Variants in STPG2 observed in about 807,000 individuals in gnomAD.
STPG2 encodes the protein sperm-tail PG-rich repeat-containing protein 2.
A neutral mutation model predicts 54.2 loss-of-function variants in STPG2; 56 were observed. The ratio of observed to expected loss-of-function variants is 1.03; its 90% CI spans 0.83 to 1.29. STPG2 has a LOEUF of 1.29. STPG2 is among the 50% of genes most tolerant of loss of function. The pLI is 0.00. For missense variants in STPG2, 596 were observed against 544.9 expected (o/e 1.09, Z -0.93); for synonymous variants, 200 against 181.8 (o/e 1.10, Z -0.81).
At chr4:97,906,079 T>C (rs565264224) in intron 8 of STPG2, among the ~76,000 whole-genome samples, 1 of 152,260 alleles carries the variant, frequency 6.6e-6, no homozygotes, top group Non-Finnish European at 1.5e-5. Context: ...ATCCAGCAGC[T>C]GGTTTTTTGA....
chr4:97,677,587 A>T (rs1196072607), intron 10 of STPG2, among the ~76,000 whole-genome samples: 2 of 152,350 alleles, frequency 1.3e-5, no homozygotes, highest in East Asian at 3.9e-4. Context: ...AAAGAAAATC[A>T]TTATCCAATT....
intron 8 of STPG2, among the ~76,000 whole-genome samples, chr4:97,940,761 A>T (rs1427361746): frequency 6.6e-6 from 1 of 152,176 alleles, no homozygotes. Context: ...TATCATTATT[A>T]TTCCCTACAG....
At position 97,476,108 on chromosome 4, in the gene STPG2, A is replaced by G. The variant is rs536265205; in HGVS notation, c.462+236591T>C. Among the ~76,000 whole-genome samples the G allele has an allele frequency of 2.6e-5, 4 of 152,300 alleles. No individual in the cohort carries two copies. The East Asian group carries it at 7.7e-4, about 29-fold the overall frequency. On this transcript the variant is annotated intron_variant, in intron 4 of 4. Coordinates refer to the STPG2 transcript ENST00000522676. ...TGTTAAATCAATGAATGTATGAATT[A>G]ATATATTGTATTTAATTTTTAATGT...
intron 5 of STPG2, among the ~76,000 whole-genome samples, chr4:98,102,190 T>C (rs1367511140): frequency 1.3e-5 from 2 of 152,222 alleles, no homozygotes; most frequent in Non-Finnish European, 2.9e-5. Context: ...GAGGACTTCA[T>C]TGAATACATC....
intron 5 of STPG2, chr4:98,025,753 G>A (rs973760279): frequency 2.6e-5 from 41 of 1,561,058 alleles, no homozygotes; most frequent in Non-Finnish European, 3.4e-5. Context: ...AAGGCCAAGT[G>A]GAGGTGACTG....
At chr4:97,907,618 T>C (rs1731490784) in intron 8 of STPG2, among the ~76,000 whole-genome samples, 1 of 152,064 alleles carries the variant, frequency 6.6e-6, no homozygotes, top group South Asian at 2.1e-4. Context: ...CTTCAAACTA[T>C]ACTACAAGGC....
chr4:97,623,243 CAAAAAT>C (rs1369405128), intron 10 of STPG2, among the ~76,000 whole-genome samples: 32 of 151,918 alleles, frequency 2.1e-4, no homozygotes, highest in African/African-American at 7.7e-4. Flanking sequence ...ACAATTGTGA[CAAAAAT>C]AAAAACAGAT....
chr4:98,069,040 A>G (rs1049803655), intron 5 of STPG2, among the ~76,000 whole-genome samples: 2 of 152,086 alleles, frequency 1.3e-5, no homozygotes, highest in African/African-American at 4.8e-5. Flanking sequence ...ATGCCACTGA[A>G]TTTCAGAATT....
At chr4:97,761,012 T>C (rs1725874153) in intron 9 of STPG2, among the ~76,000 whole-genome samples, 1 of 152,160 alleles carries the variant, frequency 6.6e-6, no homozygotes, top group Non-Finnish European at 1.5e-5. Context: ...TGGCTCTGAC[T>C]CTGCTTCTTT....
chr4:97,799,478 A>G (rs997544958), intron 9 of STPG2, among the ~76,000 whole-genome samples: 5 of 152,140 alleles, frequency 3.3e-5, no homozygotes, highest in African/African-American at 9.7e-5. Flanking sequence ...TTGGGTTGAA[A>G]ATTCTTTTCT....
At chr4:97,554,493 C>CT (rs925452372), downstream of STPG2, among the ~76,000 whole-genome samples, 14 of 152,132 alleles carry the variant, frequency 9.2e-5, no homozygotes, top group Non-Finnish European at 1.2e-4. Context: ...TTTGGTGAGT[C>CT]TGGTTTGCCA....
intron 8 of STPG2, among the ~76,000 whole-genome samples, chr4:97,863,467 C>G (rs1729639465): frequency 6.6e-6 from 1 of 152,164 alleles, no homozygotes; most frequent in South Asian, 2.1e-4. Flanking sequence ...AGCTTACCAA[C>G]CAAAAAAAAG....
intron 9 of STPG2, among the ~76,000 whole-genome samples, chr4:97,820,926 G>A (rs1392325597): frequency 6.6e-6 from 1 of 152,124 alleles, no homozygotes; most frequent in African/African-American, 2.4e-5. Flanking sequence ...AAGATTTGGA[G>A]GGTACATCCA....
At chr4:97,666,736 T>C (rs977429183) in intron 10 of STPG2, among the ~76,000 whole-genome samples, 15 of 152,168 alleles carry the variant, frequency 9.9e-5, no homozygotes, top group African/African-American at 3.4e-4. Flanking sequence ...AATTATTATA[T>C]CTGTTATACA....
chr4:98,022,357 C>A (rs1736242749), intron 5 of STPG2, among the ~76,000 whole-genome samples: 1 of 152,126 alleles, frequency 6.6e-6, no homozygotes. Flanking sequence ...CCACTCTCTT[C>A]TGGCTTGTAG....
chr4:98,044,668 A>G (rs1019027025), intron 5 of STPG2, among the ~76,000 whole-genome samples: 4 of 152,130 alleles, frequency 2.6e-5, no homozygotes, highest in African/African-American at 9.7e-5. Flanking sequence ...GATGCATTTT[A>G]GCTTTGAGTT....
At chr4:97,994,852 C>T (rs1735153416) in intron 5 of STPG2, among the ~76,000 whole-genome samples, 1 of 152,054 alleles carries the variant, frequency 6.6e-6, no homozygotes, top group East Asian at 1.9e-4. Context: ...GTGGATGCAG[C>T]CATAGAGCTC....
intron 10 of STPG2, among the ~76,000 whole-genome samples, chr4:97,689,644 G>T (rs1283542183): frequency 6.6e-6 from 1 of 152,066 alleles, no homozygotes; most frequent in Non-Finnish European, 1.5e-5. Flanking sequence ...AGGCACAATA[G>T]AGAGAATGAA....
intron 5 of STPG2, chr4:98,025,849 T>A (rs1306679658): frequency 6.3e-7 from 1 of 1,597,646 alleles, no homozygotes; most frequent in African/African-American, 1.3e-5. Flanking sequence ...GAACTACCAC[T>A]GGCAATAAAG....
Sources: gnomAD v4.1 joint callset for allele counts (sites outside exome capture counted in the v4.1 genomes callset) on GRCh38, gnomAD v4.1.1 for gene constraint, MANE v1.5 for transcripts, NCBI Gene and HGNC (gene_info 2026-07-23, HGNC 2026-07-21) for gene names.